The following ZEB2 variants were observed in gnomAD, a reference collection of about 807,000 sequenced individuals.
ZEB2 encodes zinc finger E-box binding homeobox 2.
Under a neutral mutation model 99.9 loss-of-function variants are expected in ZEB2, and 6 were observed. The ratio of observed to expected loss-of-function variants is 0.06; its 90% CI spans 0.03 to 0.12. The LOEUF is 0.12. Among genes scored for constraint, ZEB2 ranks in the 10% least tolerant of loss-of-function variants. The pLI is 1.00. For synonymous variants in ZEB2, 517 were observed against 542.5 expected (o/e 0.95, Z 0.65); for missense variants, 969 against 1,502.8 (o/e 0.64, Z 5.87).
rs1703231947 is a variant in ZEB2 at position 144,396,537 on chromosome 2, T to C, written c.2942A>G (p.Asp981Gly). 6.2e-7 allele frequency: 1 copy of C among 1,613,998 alleles called. No individual in the cohort carries two copies. Among genetic ancestry groups the C allele is most frequent in the Non-Finnish European group, 8.5e-7 (1 of 1,179,970 alleles). Residue 981 changes from aspartate to glycine, a missense_variant, in exon 9 of 10, where the codon GAC (aspartate) becomes GGC (glycine). Around this residue, in one of 8 missense-constraint regions of ZEB2, gnomAD observed 346 missense variants for 460.0 expected, o/e 0.75. Coordinates refer to ENST00000627532, the MANE Select transcript of ZEB2 (RefSeq NM_014795.4). The part of the protein sequence containing the change: ...DYMSGLDDMT[D>G]SDSCLSRKKI... ...TTTGCGAGACAGACAGGAGTCGGAG[T>C]CTGTCATATCATCTAGGCCTGACAT...
chr2:144,490,133 G>T (rs530728350), intron 2 of ZEB2, among the ~76,000 whole-genome samples: 1 of 152,240 alleles, frequency 6.6e-6, no homozygotes, highest in East Asian at 1.9e-4. Context: ...TGAAAGTGAT[G>T]ATCATTAGAG....
intron 2 of ZEB2, among the ~76,000 whole-genome samples, chr2:144,491,000 T>C (rs940741128): frequency 6.6e-6 from 1 of 152,216 alleles, no homozygotes; most frequent in Non-Finnish European, 1.5e-5. Flanking sequence ...CGTTATGTAG[T>C]GCCGTGTCAG....
intron 2 of ZEB2, among the ~76,000 whole-genome samples, chr2:144,480,911 T>C (rs1393945685): frequency 1.3e-5 from 2 of 152,192 alleles, no homozygotes; most frequent in East Asian, 1.9e-4. Context: ...ACATACTCTC[T>C]AGAAGTAGAA....
At chr2:144,519,202 C>T (rs1045128014) in intron 1 of ZEB2, 3 of 152,130 alleles carry the variant, frequency 2.0e-5, no homozygotes, top group Non-Finnish European at 4.4e-5. Flanking sequence ...TAATTTAAAA[C>T]CCTGATATCC....
chr2:144,483,357 G>A (rs1430266678), intron 2 of ZEB2, among the ~76,000 whole-genome samples: 1 of 152,038 alleles, frequency 6.6e-6, no homozygotes, highest in Non-Finnish European at 1.5e-5. Flanking sequence ...TCCTACAATT[G>A]TTGTAAAGAT....
At chr2:144,391,399 G>C (rs1049058961) in intron 9 of ZEB2, among the ~76,000 whole-genome samples, 1 of 152,204 alleles carries the variant, frequency 6.6e-6, no homozygotes, top group African/African-American at 2.4e-5. Context: ...ATATTTGTTG[G>C]TGACTACTAG....
At chr2:144,434,728 T>C (rs989913886) in intron 2 of ZEB2, among the ~76,000 whole-genome samples, 2 of 152,218 alleles carry the variant, frequency 1.3e-5, no homozygotes, top group Non-Finnish European at 2.9e-5. Flanking sequence ...ATTTGAGTTA[T>C]AGAAGCCTAC....
intron 2 of ZEB2, among the ~76,000 whole-genome samples, chr2:144,433,869 T>C (rs1180585082): frequency 6.6e-6 from 1 of 152,200 alleles, no homozygotes; most frequent in African/African-American, 2.4e-5. Flanking sequence ...GTAGCAAAAT[T>C]TGACATTTTT....
intron 2 of ZEB2, among the ~76,000 whole-genome samples, chr2:144,499,543 A>T (rs993080858): frequency 1.3e-5 from 2 of 152,220 alleles, no homozygotes; most frequent in Non-Finnish European, 2.9e-5. Context: ...CGCTTTTTCT[A>T]GTGATAACTT....
At chr2:144,392,981 T>C (rs1703171519) in intron 9 of ZEB2, among the ~76,000 whole-genome samples, 1 of 152,222 alleles carries the variant, frequency 6.6e-6, no homozygotes, top group Non-Finnish European at 1.5e-5. Context: ...CTTAGACTTA[T>C]CTACTCAAAA....
intron 2 of ZEB2, among the ~76,000 whole-genome samples, chr2:144,490,802 A>G (rs1302864421): frequency 6.6e-6 from 1 of 152,176 alleles, no homozygotes; most frequent in Non-Finnish European, 1.5e-5. Context: ...CTATACTGGT[A>G]TTTCCCATTC....
At chr2:144,493,585 T>A (rs1704712982) in intron 2 of ZEB2, among the ~76,000 whole-genome samples, 1 of 152,098 alleles carries the variant, frequency 6.6e-6, no homozygotes, top group South Asian at 2.1e-4. Flanking sequence ...TTGTTACAAG[T>A]GAATAGATCT....
Position 144,476,029 on chromosome 2 carries a change from G to C in ZEB2, c.73+41249C>G, listed in dbSNP as rs1173944554. Among the ~76,000 whole-genome samples the C allele has an allele frequency of 5.3e-5, 8 of 152,300 alleles. No individual in the cohort carries two copies. In the East Asian group the frequency reaches 1.5e-3, roughly 29 times the overall value. ...CTGACATAAGGAAATAAAACAGCCA[G>C]TGCAAACTGTTTCTTGATATCTACT... On this transcript the variant is annotated intron_variant, in intron 2 of 9. Coordinates refer to ENST00000627532, the MANE Select transcript of ZEB2 (RefSeq NM_014795.4).
chr2:144,392,904 G>T (rs1039988337), intron 9 of ZEB2, among the ~76,000 whole-genome samples: 14 of 152,066 alleles, frequency 9.2e-5, no homozygotes, highest in South Asian at 6.2e-4. Context: ...ATAAATGAAA[G>T]GTTTGTGGTA....
intron 4 of ZEB2, chr2:144,405,260 T>C (rs1349924404): frequency 7.2e-6 from 4 of 558,794 alleles, no homozygotes; most frequent in Non-Finnish European, 1.3e-5. Flanking sequence ...TTATTTTTTC[T>C]TCCTGGAATA....
chr2:144,429,293 C>T (rs573454300), intron 3 of ZEB2: 5 of 175,342 alleles, frequency 2.9e-5, no homozygotes, highest in South Asian at 1.2e-4. Flanking sequence ...AATCATTAAA[C>T]GATTGAATTC....
At position 144,399,562 on chromosome 2, in the gene ZEB2, C is replaced by G; in HGVS notation, c.1625G>C (p.Ser542Thr). The change falls in exon 8 of 10, where the codon AGC (serine) becomes ACC (threonine). Residue 542 changes from serine (S) to threonine (T), a missense_variant. Physicochemically the swap from Ser to Thr is moderately conservative, Grantham distance 58. This residue lies in a region of ZEB2 where 227 missense variants were observed against 278.2 expected (regional missense o/e 0.82). Transcript: ENST00000627532. The surrounding 1 kb of genome is among the most constrained non-coding windows in gnomAD (Gnocchi z 5.6). ...CTGTCTCCTTGAGTCAGTAGTCAAG[C>G]TCTGGAGGCAAGCTTTGGCTTCATT... ...KVNEAKACLQ[S>T]LTTDSRRQIS... The G allele has an allele frequency of 6.2e-7, 1 of 1,614,134 alleles. No homozygotes were observed. Among genetic ancestry groups the G allele is most frequent in the Non-Finnish European group, 8.5e-7 (1 of 1,180,024 alleles).
Position 144,396,497 on chromosome 2 carries a change from T to C in ZEB2, c.2982A>G (p.Thr994=). Reference sequence around the variant, plus strand: ...AGTCACATGCATACATGCCACTCTCTGTCTTCTTGATCTTTTTGCGAGACA... The same window carrying C: ...AGTCACATGCATACATGCCACTCTCCGTCTTCTTGATCTTTTTGCGAGACA... The part of the protein sequence containing the change: ...SCLSRKKIKK[T]ESGMYACDLC... Residue 994 remains threonine (T), a synonymous_variant, in exon 9 of 10, where the codon ACA becomes ACG. Transcript: ENST00000627532. 1.2e-6 allele frequency: 2 copies of C among 1,614,168 alleles called. No individual in the cohort carries two copies. The highest frequency in any genetic ancestry group is 1.7e-6 in the Non-Finnish European group (2 of 1,179,988).
intron 4 of ZEB2, among the ~76,000 whole-genome samples, chr2:144,412,458 A>C (rs1703478169): frequency 6.6e-6 from 1 of 152,196 alleles, no homozygotes; most frequent in Non-Finnish European, 1.5e-5. Context: ...TTATGTAGAG[A>C]CACGTGAAAC....
Sources: gnomAD v4.1 joint callset for allele counts (sites outside exome capture counted in the v4.1 genomes callset) on GRCh38, gnomAD v4.1.1 for gene constraint, gnomAD v4.1.1 regional missense constraint, Gnocchi (gnomAD v3.1) non-coding constraint, MANE v1.5 for transcripts, NCBI Gene and HGNC (gene_info 2026-07-23, HGNC 2026-07-21) for gene names.